GALNT18: variants seen among roughly 807,000 people sequenced by gnomAD.
GALNT18 encodes the protein GalNAc-transferase 18.
GALNT18 carries 44 observed loss-of-function variants against 69.5 expected under a neutral mutation model. The ratio of observed to expected loss-of-function variants is 0.63; its 90% CI spans 0.50 to 0.81. GALNT18 has a LOEUF of 0.81. Among genes scored for constraint, GALNT18 ranks in the 40% least tolerant of loss-of-function variants. The pLI, the probability that GALNT18 is intolerant of heterozygous loss-of-function variation, is 0.00. For missense variants in GALNT18, 715 were observed against 810.0 expected (o/e 0.88, Z 1.42); for synonymous variants, 364 against 318.2 (o/e 1.14, Z -1.53).
rs755121400 is a variant in GALNT18 at position 11,417,774 on chromosome 11, G to T, written c.595+14847C>A. 3.9e-5 allele frequency among the ~76,000 whole-genome samples: 6 copies of T among 152,332 alleles called. No individual in the cohort carries two copies. The South Asian group carries it at 6.2e-4, about 16-fold the overall frequency. On this transcript the variant is annotated intron_variant, in intron 3 of 10. Coordinates refer to ENST00000227756, the MANE Select transcript of GALNT18 (RefSeq NM_198516.3). Reference sequence around the variant, plus strand: ...GAACAAGGTTAAGGACTCAGTCTCTGCAGCTGGATCCAACTAGGGCTCAAA... The same window carrying T: ...GAACAAGGTTAAGGACTCAGTCTCTTCAGCTGGATCCAACTAGGGCTCAAA...
At chr11:11,514,517 T>C (rs1215210736) in intron 1 of GALNT18, among the ~76,000 whole-genome samples, 1 of 152,162 alleles carries the variant, frequency 6.6e-6, no homozygotes, top group Non-Finnish European at 1.5e-5. Flanking sequence ...AGGAATCAGT[T>C]TTCTAAATGT....
chr11:11,507,071 A>T (rs1267270594), intron 1 of GALNT18, among the ~76,000 whole-genome samples: 1 of 152,218 alleles, frequency 6.6e-6, no homozygotes, highest in African/African-American at 2.4e-5. Flanking sequence ...GCAAACAAAC[A>T]GAGGTGAAAG....
intron 1 of GALNT18, among the ~76,000 whole-genome samples, chr11:11,490,226 C>G (rs1213161548): frequency 1.3e-5 from 1 of 74,848 alleles, no homozygotes; most frequent in Non-Finnish European, 2.7e-5. Flanking sequence ...CTCTCTCTCT[C>G]TCTCTCTAAC....
At chr11:11,518,304 A>G (rs1378068068) in intron 1 of GALNT18, among the ~76,000 whole-genome samples, 5 of 152,264 alleles carry the variant, frequency 3.3e-5, no homozygotes, top group African/African-American at 1.2e-4. Context: ...TTATCTAACT[A>G]AATTGTAGAG....
chr11:11,310,668 G>A (rs1849657495), intron 9 of GALNT18, among the ~76,000 whole-genome samples: 1 of 152,176 alleles, frequency 6.6e-6, no homozygotes, highest in Admixed American at 6.5e-5. Context: ...TTGATTTAGA[G>A]GGCCCAGCTC....
At chr11:11,513,138 C>T (rs925771440) in intron 1 of GALNT18, among the ~76,000 whole-genome samples, 7 of 152,156 alleles carry the variant, frequency 4.6e-5, no homozygotes, top group African/African-American at 1.7e-4. Flanking sequence ...TGTGGAGTCA[C>T]GGACACTCAG....
In GALNT18 at chr11:11,293,010, C is replaced by A; in HGVS notation, c.1677+19G>T. 7.4e-7 allele frequency: 1 copy of A among 1,351,626 alleles called. No homozygotes were observed. Among genetic ancestry groups the A allele is most frequent in the Non-Finnish European group, 9.6e-7 (1 of 1,041,996 alleles). 83.7% of individuals were successfully genotyped at this position (1,351,626 alleles called of 1,614,324 possible). ...TTTCCACGATGGCTGCCACTGTGCC[C>A]GGGCTCTGGGGCTGTTACCTGAGAG... On this transcript the variant is annotated intron_variant, in intron 10 of 10. Coordinates refer to ENST00000227756, the MANE Select transcript of GALNT18 (RefSeq NM_198516.3).
At chr11:11,544,941 T>A (rs1858013291) in intron 1 of GALNT18, among the ~76,000 whole-genome samples, 2 of 152,252 alleles carry the variant, frequency 1.3e-5, no homozygotes, top group Admixed American at 1.3e-4. Context: ...GGATCCCTGC[T>A]CTACCTGGTT....
chr11:11,621,819 G>A lies in GALNT18; in HGVS notation c.-226C>T, dbSNP rs1860201546. 1 of 569,000 alleles carries A rather than the reference G, an allele frequency of 1.8e-6. No individual in the cohort carries two copies. Among genetic ancestry groups the A allele is most frequent in the African/African-American group, 1.9e-5 (1 of 53,024 alleles). 35.2% of individuals were successfully genotyped at this position (569,000 alleles called of 1,614,324 possible). A position where few individuals can be genotyped will look rare whatever the true frequency, so the allele number is the denominator to read the frequency against. ...GAGACCTTGACAAAGGAAACCAGGT[G>A]GATTTTTTTCCAAATTAAAAATCCC... On this transcript the variant is annotated 5_prime_UTR_variant, in exon 1 of 11. Coordinates refer to ENST00000227756, the MANE Select transcript of GALNT18 (RefSeq NM_198516.3). This position sits in a 1 kb window ranked among gnomAD's most constrained non-coding sequence, Gnocchi z 9.3.
At position 11,371,655 on chromosome 11, in the gene GALNT18, GC is replaced by G. The variant is rs869127117; in HGVS notation, c.1092+859del. ...GGGGCCATCGTGGGGAGGACATCCTGCAGCTCTAATACTGGGTCTGCCAAGG... is the reference window on the plus strand; with the variant it reads ...GGGGCCATCGTGGGGAGGACATCCTGAGCTCTAATACTGGGTCTGCCAAGG... On this transcript the variant is annotated intron_variant, in intron 6 of 10. Coordinates refer to ENST00000227756, the MANE Select transcript of GALNT18 (RefSeq NM_198516.3). Among the ~76,000 whole-genome samples, 25 of 145,342 alleles carry G rather than the reference GC, an allele frequency of 1.7e-4. No individual in the cohort carries two copies. In the Admixed American group the frequency reaches 1.8e-3, roughly 10 times the overall value.
At chr11:11,474,304 G>T (rs549313896) in intron 1 of GALNT18, among the ~76,000 whole-genome samples, 1 of 152,274 alleles carries the variant, frequency 6.6e-6, no homozygotes, top group South Asian at 2.1e-4. Context: ...AAGACTTGTG[G>T]CCAGAAAGAA....
rs559242579 is a variant in GALNT18 at position 11,455,925 on chromosome 11, C to T, written c.236-6989G>A. Among the ~76,000 whole-genome samples, 6 of 152,066 alleles carry T rather than the reference C, an allele frequency of 3.9e-5. 1 individual carries two copies. The highest frequency in any genetic ancestry group is 2.6e-4 in the Admixed American group (4 of 15,274). The stretch of plus-strand genomic sequence containing the variant: ...GTAACATGCAGAAACCCCATCTCTA[C>T]TAAAAATACAAAAATTAGCCAAGCA... On this transcript the variant is annotated intron_variant, in intron 1 of 10. Coordinates refer to ENST00000227756, the MANE Select transcript of GALNT18 (RefSeq NM_198516.3).
In GALNT18 at chr11:11,469,016, G is replaced by A. The variant is rs183400820; in HGVS notation, c.236-20080C>T. Reference sequence around the variant, plus strand: ...TCCTATAGACAGATGGCCATACAGCGGTTGCCAGGGTTTGGTAGGGACAGT... The same window carrying A: ...TCCTATAGACAGATGGCCATACAGCAGTTGCCAGGGTTTGGTAGGGACAGT... On this transcript the variant is annotated intron_variant, in intron 1 of 10. Transcript: ENST00000227756. The surrounding 1 kb of genome is among the most constrained non-coding windows in gnomAD (Gnocchi z 4.2). Among the ~76,000 whole-genome samples the A allele has an allele frequency of 2.3e-4, 35 of 152,268 alleles. No homozygotes were observed. In the South Asian group the frequency reaches 5.6e-3, roughly 24 times the overall value.
rs1859163450 is a variant in GALNT18 at position 11,584,305 on chromosome 11, A to G, written c.235+37054T>C. On this transcript the variant is annotated intron_variant, in intron 1 of 10. Coordinates refer to ENST00000227756, the MANE Select transcript of GALNT18 (RefSeq NM_198516.3). This position sits in a 1 kb window ranked among gnomAD's most constrained non-coding sequence, Gnocchi z 4.1. The stretch of plus-strand genomic sequence containing the variant: ...GTTATGTCCAGGGAAGAAGAAAAAT[A>G]AATAAATAACACCTTGCAAACACAA... Among the ~76,000 whole-genome samples the G allele has an allele frequency of 6.6e-6, 1 of 152,204 alleles. No individual in the cohort carries two copies. Among genetic ancestry groups the G allele is most frequent in the Admixed American group, 6.5e-5 (1 of 15,280 alleles).
Position 11,507,505 on chromosome 11 carries a change from C to T in GALNT18, c.236-58569G>A, listed in dbSNP as rs1040288873. Reference sequence around the variant, plus strand: ...CTGCTTTAATCTCTTCCTTTTCCTTCTCCCCTTCCTCTTTCTTTTCTTCTT... The same window carrying T: ...CTGCTTTAATCTCTTCCTTTTCCTTTTCCCCTTCCTCTTTCTTTTCTTCTT... On this transcript the variant is annotated intron_variant, in intron 1 of 10. Transcript: ENST00000227756. Among the ~76,000 whole-genome samples, 129 of 152,126 alleles carry T rather than the reference C, an allele frequency of 8.5e-4. 1 individual carries two copies. Among genetic ancestry groups the T allele is most frequent in the Admixed American group, 4.3e-3 (65 of 15,276 alleles).
At chr11:11,509,241 G>A (rs1046231049) in intron 1 of GALNT18, among the ~76,000 whole-genome samples, 4 of 152,060 alleles carry the variant, frequency 2.6e-5, no homozygotes, top group Non-Finnish European at 5.9e-5. Flanking sequence ...GGCACACTGA[G>A]CTTGTTTTCA....
At chr11:11,394,078 A>G (rs1217265578) in intron 3 of GALNT18, among the ~76,000 whole-genome samples, 1 of 152,232 alleles carries the variant, frequency 6.6e-6, no homozygotes, top group African/African-American at 2.4e-5. Flanking sequence ...TAAACCAGTA[A>G]CTTGAATGCA....
intron 9 of GALNT18, 70 bp from the exon 10 acceptor site, chr11:11,293,263 A>T: frequency 1.6e-6 from 2 of 1,255,840 alleles, no homozygotes; most frequent in South Asian, 6.8e-5. Flanking sequence ...ATAGGTGGTG[A>T]TTCTTCCAGG....
chr11:11,309,368 C>T lies in GALNT18; in HGVS notation c.1513-16175G>A, dbSNP rs1849633759. ...CTTGATTACCCACTCTCTTACTTCC[C>T]AATGCCTGCTCATCAACCTAATTGA... On this transcript the variant is annotated intron_variant, in intron 9 of 10. Coordinates refer to ENST00000227756, the MANE Select transcript of GALNT18 (RefSeq NM_198516.3). This position sits in a 1 kb window ranked among gnomAD's most constrained non-coding sequence, Gnocchi z 4.6. Among the ~76,000 whole-genome samples the T allele has an allele frequency of 6.6e-6, 1 of 152,160 alleles. No homozygotes were observed. The highest frequency in any genetic ancestry group is 1.5e-5 in the Non-Finnish European group (1 of 68,024).
Sources: allele counts gnomAD v4.1 joint callset (sites outside exome capture counted in the v4.1 genomes callset), GRCh38; gene constraint gnomAD v4.1.1; non-coding constraint Gnocchi (gnomAD v3.1); transcripts MANE v1.5; gene names NCBI Gene and HGNC (gene_info 2026-07-23, HGNC 2026-07-21).